Variants in CNTN4 observed in about 807,000 individuals in gnomAD.
CNTN4 encodes the protein contactin 4, also known as contactin-4.
A neutral mutation model predicts 122.5 loss-of-function variants in CNTN4; 77 were observed. That is an observed-to-expected ratio of 0.63 (90% CI 0.52 to 0.76). The LOEUF is 0.76. Ranked by LOEUF, CNTN4 falls within the 30% of genes least tolerant of loss-of-function variation. The probability of loss-of-function intolerance (pLI) is 0.00; values close to 1 mark genes in which losing one functional copy is unlikely to be tolerated. For missense variants in CNTN4, 1,256 were observed against 1,259.1 expected, an observed-to-expected ratio of 1.00 and a Z score of 0.04; for synonymous variants, 512 against 447.0, an observed-to-expected ratio of 1.15 and a Z score of -1.83.
chr3:2,873,208 G>A (rs951113834), intron 8 of CNTN4, among the ~76,000 whole-genome samples: 1 of 152,128 alleles, frequency 6.6e-6, no homozygotes, highest in African/African-American at 2.4e-5. Context: ...ATGCAAAATG[G>A]GTGATTTATA....
intron 4 of CNTN4, among the ~76,000 whole-genome samples, chr3:2,587,614 C>G (rs1451278407): frequency 6.6e-6 from 1 of 152,126 alleles, no homozygotes; most frequent in African/African-American, 2.4e-5. Context: ...AGGTGATTCT[C>G]TAGATTTCTT....
intron 2 of CNTN4, among the ~76,000 whole-genome samples, chr3:2,257,476 A>C (rs549548729): frequency 6.6e-6 from 1 of 152,342 alleles, no homozygotes; most frequent in South Asian, 2.1e-4. Flanking sequence ...TCACAGCAAA[A>C]GAAACTATCA....
chr3:2,979,057 CA>C (rs1230055422), intron 13 of CNTN4, among the ~76,000 whole-genome samples: 4 of 152,208 alleles, frequency 2.6e-5, no homozygotes. Flanking sequence ...AGGAAGCAAG[CA>C]AAACGTGATA....
intron 3 of CNTN4, chr3:2,362,572 G>A: frequency 1.7e-6 from 1 of 573,904 alleles, no homozygotes; most frequent in Non-Finnish European, 3.3e-6. Flanking sequence ...TGAAGAAGAA[G>A]ACAGCAGCTT....
At chr3:2,417,971 C>G (rs1416418659) in intron 3 of CNTN4, among the ~76,000 whole-genome samples, 2 of 151,932 alleles carry the variant, frequency 1.3e-5, no homozygotes, top group Non-Finnish European at 1.5e-5. Context: ...TCCGTGGTTG[C>G]CAGGGATTTG....
chr3:2,793,824 C>T (rs977454610), intron 6 of CNTN4, among the ~76,000 whole-genome samples: 2 of 152,166 alleles, frequency 1.3e-5, no homozygotes, highest in Non-Finnish European at 2.9e-5. Flanking sequence ...TGTGGAACTT[C>T]AGATTCTGAG....
chr3:2,303,128 T>A (rs1455238956), intron 2 of CNTN4, among the ~76,000 whole-genome samples: 1 of 152,172 alleles, frequency 6.6e-6, no homozygotes, highest in Non-Finnish European at 1.5e-5. Flanking sequence ...AAAAGTTAGG[T>A]AACTTTTCAA....
intron 3 of CNTN4, among the ~76,000 whole-genome samples, chr3:2,348,748 C>G (rs530663175): frequency 6.6e-6 from 1 of 152,156 alleles, no homozygotes; most frequent in African/African-American, 2.4e-5. Context: ...ATTCAAGTTG[C>G]ATTATCCACA....
At chr3:2,145,959 T>TTA (rs2035228649) in intron 2 of CNTN4, among the ~76,000 whole-genome samples, 1 of 151,732 alleles carries the variant, frequency 6.6e-6, no homozygotes, top group Admixed American at 6.6e-5. Flanking sequence ...TTTTTTTTTT[T>TTA]AAATGAAGTT....
chr3:2,360,367 C>A (rs954455537), intron 3 of CNTN4, among the ~76,000 whole-genome samples: 7 of 152,068 alleles, frequency 4.6e-5, no homozygotes, highest in African/African-American at 1.2e-4. Context: ...TTGCTCCCCC[C>A]ACCCCTTAAA....
chr3:2,681,177 T>C (rs1188137387), intron 4 of CNTN4, among the ~76,000 whole-genome samples: 2 of 152,130 alleles, frequency 1.3e-5, no homozygotes, highest in African/African-American at 4.8e-5. Context: ...GAGAAGACAA[T>C]ACATAAATAT....
intron 4 of CNTN4, among the ~76,000 whole-genome samples, chr3:2,688,240 G>A (rs916997477): frequency 1.3e-5 from 2 of 152,090 alleles, no homozygotes; most frequent in Non-Finnish European, 2.9e-5. Flanking sequence ...GAGAGAAATA[G>A]CTATTTTTTC....
chr3:2,589,061 T>G (rs1402719767), intron 4 of CNTN4, among the ~76,000 whole-genome samples: 1 of 152,200 alleles, frequency 6.6e-6, no homozygotes, highest in Non-Finnish European at 1.5e-5. Context: ...ATAGCTCATT[T>G]TATTCCTTGC....
At chr3:2,943,799 T>C (rs1315456156) in intron 13 of CNTN4, among the ~76,000 whole-genome samples, 1 of 151,396 alleles carries the variant, frequency 6.6e-6, no homozygotes, top group African/African-American at 2.4e-5. Flanking sequence ...AATTTTTGTA[T>C]TTATAGTAGA....
intron 2 of CNTN4, among the ~76,000 whole-genome samples, chr3:2,176,230 A>G (rs1026863946): frequency 1.3e-5 from 2 of 152,112 alleles, no homozygotes; most frequent in African/African-American, 4.8e-5. Context: ...CAGGAAACGA[A>G]TGAGTATTTG....
intron 4 of CNTN4, among the ~76,000 whole-genome samples, chr3:2,699,662 C>A (rs1229111798): frequency 2.0e-5 from 3 of 152,126 alleles, no homozygotes; most frequent in Non-Finnish European, 4.4e-5. Flanking sequence ...GAATTTCAGG[C>A]ACTTTTATTT....
chr3:2,478,821 T>A (rs2075904568), intron 3 of CNTN4, among the ~76,000 whole-genome samples: 1 of 152,222 alleles, frequency 6.6e-6, no homozygotes, highest in Admixed American at 6.5e-5. Context: ...ATTTTCTTTC[T>A]CTAGTCTGTC....
chr3:2,694,836 A>G (rs898229486), intron 4 of CNTN4, among the ~76,000 whole-genome samples: 4 of 152,240 alleles, frequency 2.6e-5, no homozygotes, highest in African/African-American at 9.6e-5. Flanking sequence ...ATACAAATTT[A>G]AAGAACATGT....
At chr3:2,375,001 G>T (rs988789833) in intron 3 of CNTN4, among the ~76,000 whole-genome samples, 3 of 152,168 alleles carry the variant, frequency 2.0e-5, no homozygotes, top group Non-Finnish European at 2.9e-5. Context: ...GATTATTGTC[G>T]CATTGTGTCA....
Sources: gnomAD v4.1 joint callset for allele counts (sites outside exome capture counted in the v4.1 genomes callset) on GRCh38, gnomAD v4.1.1 for gene constraint, MANE v1.5 for transcripts, NCBI Gene and HGNC (gene_info 2026-07-23, HGNC 2026-07-21) for gene names.